ATP2B1: variants seen among roughly 807,000 people sequenced by gnomAD.
The protein encoded by ATP2B1 is plasma membrane calcium-transporting ATPase 1.
A neutral mutation model predicts 124.2 loss-of-function variants in ATP2B1; 14 were observed. The ratio of observed to expected loss-of-function variants is 0.11; its 90% CI spans 0.07 to 0.18. ATP2B1 has a LOEUF of 0.18. Ranked by LOEUF, ATP2B1 falls within the 10% of genes least tolerant of loss-of-function variation. ATP2B1 has a pLI of 1.00. For synonymous variants in ATP2B1, 449 were observed against 492.4 expected (o/e 0.91, Z 1.17); for missense variants, 763 against 1,466.1 (o/e 0.52, Z 7.83).
At chr12:89,631,388 A>T (rs1442065625) in intron 5 of ATP2B1, among the ~76,000 whole-genome samples, 1 of 152,180 alleles carries the variant, frequency 6.6e-6, no homozygotes, top group East Asian at 1.9e-4. Flanking sequence ...TAAAGAAACA[A>T]CGTATGTATC....
chr12:89,643,257 T>C lies in ATP2B1; in HGVS notation c.209-902A>G, dbSNP rs145297706. ...ATATATATGTATATATACACACACA[T>C]ATACACATATATATATATTTGGTTC... On this transcript the variant is annotated intron_variant, in intron 2 of 20. Transcript: ENST00000428670. 3.0e-3 allele frequency among the ~76,000 whole-genome samples: 455 copies of C among 151,506 alleles called. 2 individuals carry two copies. Among genetic ancestry groups the C allele is most frequent in the African/African-American group, 0.01 (422 of 41,366 alleles).
In ATP2B1 at chr12:89,604,832, G is replaced by A. The variant is rs547003831; in HGVS notation, c.2443-486C>T. Among the ~76,000 whole-genome samples the A allele has an allele frequency of 2.0e-4, 31 of 151,912 alleles. No individual in the cohort carries two copies. In the South Asian group the frequency reaches 3.5e-3, roughly 17 times the overall value. ...TCCAAGTGTAGAGAAAGTAGAAGTA[G>A]CCCCCTTTCCCCCCAACAACAGAAC... On this transcript the variant is annotated intron_variant, in intron 15 of 20. Transcript: ENST00000428670.
In ATP2B1 at chr12:89,708,647, G is replaced by C. The variant is rs1351078539; in HGVS notation, c.-273C>G. The C allele has an allele frequency of 6.6e-6, 1 of 152,034 alleles. No homozygotes were observed. Among genetic ancestry groups the C allele is most frequent in the East Asian group, 2.0e-4 (1 of 5,102 alleles). The allele number at this position is 152,034 out of a possible 1,614,324, so 9.4% of individuals were successfully genotyped here. A position where few individuals can be genotyped will look rare whatever the true frequency, so the allele number is the denominator to read the frequency against. On this transcript the variant is annotated 5_prime_UTR_variant, in exon 1 of 21. Coordinates refer to ENST00000428670, the MANE Select transcript of ATP2B1 (RefSeq NM_001366521.1). ...CGAGGGGGAAGGAAAGGCAGGCTGCGGGAGGGTCGCGGGGCGTTAAGGGGC... is the reference window on the plus strand; with the variant it reads ...CGAGGGGGAAGGAAAGGCAGGCTGCCGGAGGGTCGCGGGGCGTTAAGGGGC...
intron 2 of ATP2B1, among the ~76,000 whole-genome samples, chr12:89,654,775 T>C (rs1424726058): frequency 6.6e-6 from 1 of 152,172 alleles, no homozygotes; most frequent in Non-Finnish European, 1.5e-5. Context: ...AGAAAAATAC[T>C]TTTGCTTAAT....
intron 1 of ATP2B1, among the ~76,000 whole-genome samples, chr12:89,668,173 A>G (rs1007132741): frequency 6.6e-6 from 1 of 152,116 alleles, no homozygotes; most frequent in African/African-American, 2.4e-5. Context: ...AAAACACATT[A>G]CCTATTTGTA....
chr12:89,599,481 C>T (rs1875366101), intron 19 of ATP2B1, among the ~76,000 whole-genome samples, 182 bp from the exon 20 acceptor site: 1 of 152,118 alleles, frequency 6.6e-6, no homozygotes, highest in Non-Finnish European at 1.5e-5. Flanking sequence ...CTTAGCTACA[C>T]AAAAGATTTG....
chr12:89,652,081 TA>T (rs1885329990), intron 2 of ATP2B1, among the ~76,000 whole-genome samples: 2 of 152,198 alleles, frequency 1.3e-5, no homozygotes, highest in South Asian at 2.1e-4. Context: ...TCATTTTTTT[TA>T]AACATGTATC....
chr12:89,614,978 T>TTGGG (rs1878710459), intron 12 of ATP2B1, among the ~76,000 whole-genome samples: 1 of 152,142 alleles, frequency 6.6e-6, no homozygotes, highest in African/African-American at 2.4e-5. Context: ...AAATAGTATT[T>TTGGG]TAACAACATA....
chr12:89,616,767 A>T (rs2136049426), intron 12 of ATP2B1, 35 bp downstream of exon 12: 1 of 1,561,688 alleles, frequency 6.4e-7, no homozygotes, highest in East Asian at 2.2e-5. Flanking sequence ...TAGTTATGAG[A>T]TTCTGCACAT....
intron 1 of ATP2B1, among the ~76,000 whole-genome samples, chr12:89,697,239 T>C (rs1891248012): frequency 1.3e-5 from 2 of 152,186 alleles, no homozygotes; most frequent in Non-Finnish European, 2.9e-5. Flanking sequence ...AAAATGTCTT[T>C]ATATGTCTTT....
intron 2 of ATP2B1, among the ~76,000 whole-genome samples, chr12:89,654,504 A>C (rs1329944675): frequency 6.6e-6 from 1 of 152,222 alleles, no homozygotes; most frequent in Non-Finnish European, 1.5e-5. Flanking sequence ...AATATATTCC[A>C]AATAGTCTAA....
chr12:89,598,871 G>T, intron 20 of ATP2B1: 1 of 1,224,394 alleles, frequency 8.2e-7, no homozygotes. Flanking sequence ...GGCAAGAATA[G>T]CATTTTGAGA....
intron 1 of ATP2B1, among the ~76,000 whole-genome samples, chr12:89,671,453 T>C (rs1887972800): frequency 6.6e-6 from 1 of 152,156 alleles, no homozygotes; most frequent in Admixed American, 6.5e-5. Context: ...TTACCAGAGT[T>C]AAGAGGAGGA....
At chr12:89,594,368 T>C (rs1466406040) in intron 20 of ATP2B1, 2 of 152,006 alleles carry the variant, frequency 1.3e-5, no homozygotes, top group East Asian at 3.9e-4. Context: ...AAGGAAACTA[T>C]ATTAATAATA....
chr12:89,700,243 A>G (rs1891680858), intron 1 of ATP2B1, among the ~76,000 whole-genome samples: 1 of 152,040 alleles, frequency 6.6e-6, no homozygotes, highest in African/African-American at 2.4e-5. Flanking sequence ...GAGACTCGAC[A>G]TGCAGACAGT....
chr12:89,629,993 C>A (rs1449283020), intron 6 of ATP2B1, among the ~76,000 whole-genome samples: 1 of 152,088 alleles, frequency 6.6e-6, no homozygotes, highest in Non-Finnish European at 1.5e-5. Flanking sequence ...ACAGTAGATA[C>A]AATGGATCAA....
At chr12:89,650,204 G>A (rs956177907) in intron 2 of ATP2B1, among the ~76,000 whole-genome samples, 2 of 152,132 alleles carry the variant, frequency 1.3e-5, no homozygotes, top group South Asian at 2.1e-4. Flanking sequence ...GAGGGACACC[G>A]GAAAATGTGC....
rs1278266616 is a variant in ATP2B1 at position 89,655,871 on chromosome 12, T to C, written c.16A>G (p.Asn6Asp). MGDMA[N>D]NSVAYSGVKN... ...ACACCACTGTAAGCAACTGAGTTGT[T>C]TGCCATGTCGCCCATTACAAGTATA... Residue 6 changes from asparagine to aspartate, a missense_variant, in exon 2 of 21, where the codon AAC becomes GAC. Transcript: ENST00000428670. The C allele has an allele frequency of 2.5e-6, 4 of 1,598,460 alleles. No homozygotes were observed. The highest frequency in any genetic ancestry group is 2.2e-5 in the South Asian group (2 of 89,934).
intron 1 of ATP2B1, among the ~76,000 whole-genome samples, chr12:89,678,036 T>C (rs1258532232): frequency 3.2e-5 from 3 of 92,954 alleles, no homozygotes; most frequent in South Asian, 3.3e-4. Flanking sequence ...AATGGAGAAA[T>C]CATTTAAAAA....
Sources: allele counts gnomAD v4.1 joint callset (sites outside exome capture counted in the v4.1 genomes callset), GRCh38; gene constraint gnomAD v4.1.1; transcripts MANE v1.5; gene names NCBI Gene and HGNC (gene_info 2026-07-23, HGNC 2026-07-21).